ASH1L: variants seen among roughly 807,000 people sequenced by gnomAD.
ASH1L encodes the protein histone-lysine N-methyltransferase ASH1L.
ASH1L carries 23 observed loss-of-function variants against 269.0 expected under a neutral mutation model. That is an observed-to-expected ratio of 0.09 (90% confidence interval 0.06 to 0.12). ASH1L has a LOEUF of 0.12. Among genes scored for constraint, ASH1L ranks in the 10% least tolerant of loss-of-function variants. The pLI is 1.00. For missense variants in ASH1L, 2,912 were observed against 3,567.8 expected, an observed-to-expected ratio of 0.82 and a Z score of 4.68; for synonymous variants, 1,187 against 1,253.5, an observed-to-expected ratio of 0.95 and a Z score of 1.12.
At chr1:155,426,559 C>A (rs1169794702) in intron 5 of ASH1L, among the ~76,000 whole-genome samples, 1 of 152,104 alleles carries the variant, frequency 6.6e-6, no homozygotes, top group Admixed American at 6.6e-5. Flanking sequence ...AGGATAGTCT[C>A]GAACTTCTGA....
rs1037890253 is a variant in ASH1L at position 155,343,710 on chromosome 1, G to A, written c.8014C>T (p.Arg2672Cys). The A allele has an allele frequency of 3.7e-6, 6 of 1,613,998 alleles. No homozygotes were observed. Among genetic ancestry groups the A allele is most frequent in the Non-Finnish European group, 5.1e-6 (6 of 1,180,006 alleles). ...DCVYLMRDSR[R>C]TPDGHPVRQS... ...CGGACCGGGTGGCCATCAGGGGTGC[G>A]CCGACTATCCCTCATCAGATACACA... Residue 2672 changes from arginine (R) to cysteine (C), a missense_variant, in exon 23 of 28, where the codon CGC becomes TGC. Transcript: ENST00000392403. This position sits in a 1 kb window ranked among gnomAD's most constrained non-coding sequence, Gnocchi z 6.1.
intron 5 of ASH1L, among the ~76,000 whole-genome samples, chr1:155,419,670 C>A (rs1175990575): frequency 6.6e-6 from 1 of 152,122 alleles, no homozygotes; most frequent in African/African-American, 2.4e-5. Flanking sequence ...GGAAGTTTCC[C>A]AGATATTTGA....
chr1:155,510,186 C>T (rs531442935), intron 2 of ASH1L, among the ~76,000 whole-genome samples: 35 of 151,920 alleles, frequency 2.3e-4, no homozygotes, highest in African/African-American at 8.4e-4. Flanking sequence ...GAGGCTGAGG[C>T]GGACGGATCA....
chr1:155,372,989 G>T (rs148577210), intron 10 of ASH1L, among the ~76,000 whole-genome samples: 1 of 152,154 alleles, frequency 6.6e-6, no homozygotes, highest in East Asian at 1.9e-4. Flanking sequence ...GAGGCAGGAG[G>T]ATCATGTGAG....
At chr1:155,349,707 G>GTTT in intron 17 of ASH1L, 111 bp from the exon 18 acceptor site, 1 of 422,724 alleles carries the variant, frequency 2.4e-6, no homozygotes, top group Non-Finnish European at 4.2e-6. Context: ...AAAAATCCAA[G>GTTT]TCTTTTTTTT....
chr1:155,475,337 G>A (rs115711500), intron 3 of ASH1L, among the ~76,000 whole-genome samples: 2,451 of 152,072 alleles, frequency 0.016, 22 homozygotes, highest in Non-Finnish European at 0.026. Context: ...GGGTTTCACC[G>A]TGTTGGCCAG....
intron 5 of ASH1L, among the ~76,000 whole-genome samples, chr1:155,417,387 T>C (rs1434454836): frequency 1.3e-5 from 2 of 152,256 alleles, no homozygotes; most frequent in South Asian, 2.1e-4. Flanking sequence ...GAAAAACCTA[T>C]GGAGAATTAT....
At chr1:155,440,745 A>G (rs1662488117) in intron 4 of ASH1L, among the ~76,000 whole-genome samples, 2 of 152,102 alleles carry the variant, frequency 1.3e-5, no homozygotes, top group African/African-American at 4.8e-5. Flanking sequence ...TATTCTGATG[A>G]CTACTGAATT....
At chr1:155,411,745 C>T (rs1339670669) in intron 6 of ASH1L, among the ~76,000 whole-genome samples, 1 of 150,282 alleles carries the variant, frequency 6.7e-6, no homozygotes, top group African/African-American at 2.4e-5. Flanking sequence ...CTTCCTTTCA[C>T]CTACCTAAGG....
rs533654922 is a variant in ASH1L, at chr1:155,500,063, T to G, written c.421-17614A>C. Among the ~76,000 whole-genome samples the G allele has an allele frequency of 4.1e-4, 62 of 152,328 alleles. 1 individual carries two copies. The South Asian group carries it at 0.012, about 29-fold the overall frequency. On this transcript the variant is annotated intron_variant, in intron 2 of 27. Transcript: ENST00000392403. ...ACCTGATTAAACTAATTACGGTAGT[T>G]TTAATCTTCCTGGCACATTTATAGC...
chr1:155,336,089 T>C lies in ASH1L; in HGVS notation c.*1571A>G, dbSNP rs1652288336. On this transcript the variant is annotated 3_prime_UTR_variant, in exon 28 of 28. Coordinates refer to ENST00000392403, the MANE Select transcript of ASH1L (RefSeq NM_018489.3). ...TTCTTTAATAAAATATTTATTTTGC[T>C]TTTTCTCTGCTCAAGGGGATCATTG... 7.3e-6 allele frequency: 1 copy of C among 137,700 alleles called. No individual in the cohort carries two copies. Among genetic ancestry groups the C allele is most frequent in the African/African-American group, 3.6e-5 (1 of 27,444 alleles). 8.5% of individuals were successfully genotyped at this position (137,700 alleles called of 1,614,324 possible). A position where few individuals can be genotyped will look rare whatever the true frequency, so the allele number is the denominator to read the frequency against.
intron 1 of ASH1L, among the ~76,000 whole-genome samples, chr1:155,555,141 CA>C (rs546459143): frequency 2.2e-3 from 210 of 94,096 alleles, no homozygotes; most frequent in Admixed American, 3.4e-3. Flanking sequence ...GAAACCGTCT[CA>C]AAAAAAAAAA....
intron 1 of ASH1L, among the ~76,000 whole-genome samples, chr1:155,526,838 C>G (rs1235453282): frequency 1.3e-5 from 2 of 152,176 alleles, no homozygotes; most frequent in Non-Finnish European, 2.9e-5. Flanking sequence ...TCACATCATC[C>G]ATTTCTCATA....
intron 5 of ASH1L, among the ~76,000 whole-genome samples, chr1:155,429,435 GCTAA>G (rs1661436423): frequency 6.6e-6 from 1 of 152,134 alleles, no homozygotes; most frequent in South Asian, 2.1e-4. Context: ...ACCACAACTG[GCTAA>G]CTTTTTGTAT....
chr1:155,493,378 C>T (rs923025529), intron 2 of ASH1L, among the ~76,000 whole-genome samples: 3 of 152,122 alleles, frequency 2.0e-5, no homozygotes, highest in Non-Finnish European at 2.9e-5. Context: ...CAAGCTTTTT[C>T]GTGTTTCTGG....
intron 2 of ASH1L, among the ~76,000 whole-genome samples, chr1:155,519,161 G>A (rs1571046292): frequency 6.6e-6 from 1 of 152,198 alleles, no homozygotes; most frequent in South Asian, 2.1e-4. Context: ...GTGGCTGGGT[G>A]TGGTGGCTCA....
intron 1 of ASH1L, among the ~76,000 whole-genome samples, chr1:155,529,144 T>C (rs575209155): frequency 2.0e-5 from 3 of 152,306 alleles, no homozygotes; most frequent in East Asian, 1.9e-4. Context: ...CTATTGTGAA[T>C]AGTGCTGCAA....
In ASH1L at chr1:155,421,819, A is replaced by AT. The variant is rs142319082; in HGVS notation, c.5829-5897dup. 6.7e-3 allele frequency among the ~76,000 whole-genome samples: 1,013 copies of AT among 150,644 alleles called. 11 individuals carry two copies. The highest frequency in any genetic ancestry group is 0.024 in the African/African-American group (982 of 41,146). On this transcript the variant is annotated intron_variant, in intron 5 of 27. Coordinates refer to ENST00000392403, the MANE Select transcript of ASH1L (RefSeq NM_018489.3). ...GTAGAAATAGATACACATATGACTA[A>AT]TTTTTTTTTTGAAAAATTGTGGTAA...
In ASH1L at chr1:155,469,737, A is replaced by G. The variant is rs531005699; in HGVS notation, c.4984+8149T>C. ...CATCTCTACCTTGGCTCAGAGCCTC[A>G]TAATAAGAGCCTCATAATATTTTGT... On this transcript the variant is annotated intron_variant, in intron 3 of 27. Coordinates refer to ENST00000392403, the MANE Select transcript of ASH1L (RefSeq NM_018489.3). Among the ~76,000 whole-genome samples, 10 of 152,304 alleles carry G rather than the reference A, an allele frequency of 6.6e-5. No individual in the cohort carries two copies. The South Asian group carries it at 2.1e-3, about 32-fold the overall frequency.
Sources: allele counts gnomAD v4.1 joint callset (sites outside exome capture counted in the v4.1 genomes callset), GRCh38; gene constraint gnomAD v4.1.1; non-coding constraint Gnocchi (gnomAD v3.1); transcripts MANE v1.5; gene names NCBI Gene and HGNC (gene_info 2026-07-23, HGNC 2026-07-21).